The following IGBP1C variants were observed in gnomAD, a reference collection of about 807,000 sequenced individuals.
The protein encoded by IGBP1C is IGBP1 family member C, also known as immunoglobulin-binding protein 1 family member C.
the IGBP1C span, among the ~76,000 whole-genome samples, chr17:58,678,573 G>C: frequency 6.6e-6 from 1 of 151,972 alleles, no homozygotes; most frequent in African/African-American, 2.4e-5. Flanking sequence ...ACTTTGCAAG[G>C]ACAGAAAACC....
At chr17:58,669,940 G>A in the IGBP1C span, among the ~76,000 whole-genome samples, 3 of 152,048 alleles carry the variant, frequency 2.0e-5, no homozygotes, top group Admixed American at 6.6e-5. Context: ...CACGCTCCTT[G>A]AGGCTCTGCA....
At chr17:58,661,206 T>G in the IGBP1C span, 1 of 798,598 alleles carries the variant, frequency 1.3e-6, no homozygotes, top group South Asian at 1.3e-5. Flanking sequence ...GAGTTGGTCT[T>G]GGTTTGGGGC....
chr17:58,690,927 C>T, the IGBP1C span, among the ~76,000 whole-genome samples: 1 of 152,120 alleles, frequency 6.6e-6, no homozygotes, highest in Non-Finnish European at 1.5e-5. Flanking sequence ...AGTGCAGTGG[C>T]GTGATCATAG....
the IGBP1C span, among the ~76,000 whole-genome samples, chr17:58,672,470 A>G: frequency 2.6e-5 from 4 of 152,102 alleles, no homozygotes; most frequent in African/African-American, 9.7e-5. Context: ...GTCTCGCTCT[A>G]TCACCCAGGC....
the IGBP1C span, among the ~76,000 whole-genome samples, chr17:58,678,698 T>C: frequency 2.6e-5 from 4 of 151,858 alleles, no homozygotes; most frequent in African/African-American, 7.3e-5. Context: ...CGGGGAGGGA[T>C]AGCATTAGGA....
chr17:58,671,802 G>A, the IGBP1C span, among the ~76,000 whole-genome samples: 1 of 152,008 alleles, frequency 6.6e-6, no homozygotes, highest in Non-Finnish European at 1.5e-5. Flanking sequence ...AGCCTTCCCT[G>A]GACCTCAGGT....
the IGBP1C span, among the ~76,000 whole-genome samples, chr17:58,671,956 A>C: frequency 6.6e-6 from 1 of 151,984 alleles, no homozygotes; most frequent in Non-Finnish European, 1.5e-5. Context: ...AGAGGCTCCC[A>C]AACTTTTTGG....
chr17:58,682,753 T>C, the IGBP1C span, among the ~76,000 whole-genome samples: 7 of 152,164 alleles, frequency 4.6e-5, no homozygotes, highest in Non-Finnish European at 8.8e-5. Flanking sequence ...TTCATTGCTA[T>C]TGGCCTAGTT....
the IGBP1C span, among the ~76,000 whole-genome samples, chr17:58,683,052 CAAA>C: frequency 5.2e-4 from 28 of 54,034 alleles, no homozygotes; most frequent in African/African-American, 1.8e-3. Context: ...GAGTCTGTCT[CAAA>C]AAAAAAAAAA....
At chr17:58,671,896 C>G in the IGBP1C span, among the ~76,000 whole-genome samples, 1 of 152,106 alleles carries the variant, frequency 6.6e-6, no homozygotes, top group Non-Finnish European at 1.5e-5. Context: ...GGCCCCTAGC[C>G]CCATCTCTCA....
the IGBP1C span, among the ~76,000 whole-genome samples, chr17:58,677,119 C>CAAAAA: frequency 5.1e-5 from 4 of 78,660 alleles, no homozygotes; most frequent in Admixed American, 1.6e-4. Flanking sequence ...AACTCCGTCT[C>CAAAAA]AAAAAAAAAA....
chr17:58,677,251 C>T, the IGBP1C span, among the ~76,000 whole-genome samples: 1 of 152,080 alleles, frequency 6.6e-6, no homozygotes, highest in Non-Finnish European at 1.5e-5. Flanking sequence ...CACCACTGTA[C>T]TCCAGTCTGG....
At chr17:58,672,304 C>T in the IGBP1C span, among the ~76,000 whole-genome samples, 3 of 152,144 alleles carry the variant, frequency 2.0e-5, no homozygotes, top group African/African-American at 7.2e-5. Context: ...GGTCCTAGAG[C>T]CAATCAACAG....
the IGBP1C span, among the ~76,000 whole-genome samples, chr17:58,681,132 C>T: frequency 8.6e-5 from 13 of 151,794 alleles, no homozygotes; most frequent in Non-Finnish European, 1.9e-4. Context: ...ATAAATTAGC[C>T]GGGCATGCTG....
At chr17:58,687,415 T>C in the IGBP1C span, among the ~76,000 whole-genome samples, 1 of 152,112 alleles carries the variant, frequency 6.6e-6, no homozygotes, top group East Asian at 1.9e-4. Context: ...GCATTTGCCC[T>C]CCTTTGTTCA....
the IGBP1C span, among the ~76,000 whole-genome samples, chr17:58,685,334 G>T: frequency 2.2e-3 from 341 of 151,954 alleles, 2 homozygotes; most frequent in Middle Eastern, 0.017. Flanking sequence ...TACTCAGGAG[G>T]CTGAGGCAGG....
At chr17:58,679,396 G>A in the IGBP1C span, 8 of 152,052 alleles carry the variant, frequency 5.3e-5, no homozygotes, top group African/African-American at 1.7e-4. Flanking sequence ...GACCAAAAGC[G>A]TGTGTGGAGA....
the IGBP1C span, among the ~76,000 whole-genome samples, chr17:58,664,103 T>G: frequency 8.5e-5 from 13 of 152,308 alleles, no homozygotes; most frequent in Non-Finnish European, 1.6e-4. Flanking sequence ...AATTGCTGAT[T>G]TAGGACAATT....
the IGBP1C span, among the ~76,000 whole-genome samples, chr17:58,664,674 A>G: frequency 6.6e-6 from 1 of 152,218 alleles, no homozygotes; most frequent in African/African-American, 2.4e-5. Flanking sequence ...TGAAGGGCCC[A>G]TACTTTTGCC....
Sources: gnomAD v4.1 joint callset for allele counts (sites outside exome capture counted in the v4.1 genomes callset) on GRCh38, gnomAD v4.1.1 for gene constraint, MANE v1.5 for transcripts, NCBI Gene and HGNC (gene_info 2026-07-23, HGNC 2026-07-21) for gene names.